POU6F2: variants seen among roughly 807,000 people sequenced by gnomAD.
POU6F2 encodes POU domain, class 6, transcription factor 2.
In POU6F2, 31 loss-of-function variants were observed where a neutral mutation model predicts 71.3. The ratio of observed to expected loss-of-function variants is 0.43; its 90% confidence interval spans 0.33 to 0.59. The LOEUF (loss-of-function observed/expected upper bound fraction) is 0.59, where lower values mean the gene tolerates loss of function less well. Among genes scored for constraint, POU6F2 ranks in the 20% least tolerant of loss-of-function variants. POU6F2 has a pLI of 0.04. For synonymous variants in POU6F2, 347 were observed against 355.7 expected, an observed-to-expected ratio of 0.98 and a Z score of 0.27; for missense variants, 783 against 856.8, an observed-to-expected ratio of 0.91 and a Z score of 1.07.
chr7:39,176,670 A>G (rs1793337317), intron 2 of POU6F2, among the ~76,000 whole-genome samples: 1 of 152,222 alleles, frequency 6.6e-6, no homozygotes, highest in Non-Finnish European at 1.5e-5. Flanking sequence ...ATGAGTATAG[A>G]ACCAAAGAAA....
At chr7:39,138,246 G>A (rs924937362) in intron 2 of POU6F2, among the ~76,000 whole-genome samples, 20 of 152,242 alleles carry the variant, frequency 1.3e-4, no homozygotes, top group South Asian at 2.1e-4. Flanking sequence ...ATTTGTAGGC[G>A]AAGTGCCTGG....
intron 4 of POU6F2, among the ~76,000 whole-genome samples, chr7:39,270,064 T>C (rs1784315390): frequency 6.6e-6 from 1 of 152,222 alleles, no homozygotes; most frequent in Non-Finnish European, 1.5e-5. Flanking sequence ...TTGAGGGTGT[T>C]TCCCTGTAGA....
intron 1 of POU6F2, among the ~76,000 whole-genome samples, chr7:39,039,511 T>G (rs1049074439): frequency 1.3e-5 from 2 of 151,902 alleles, no homozygotes; most frequent in Admixed American, 6.6e-5. Context: ...CTTTACTCTC[T>G]CACTATAGAC....
At chr7:39,063,280 A>G (rs1167711547) in intron 1 of POU6F2, among the ~76,000 whole-genome samples, 1 of 152,184 alleles carries the variant, frequency 6.6e-6, no homozygotes, top group African/African-American at 2.4e-5. Context: ...AGGCCAAGGC[A>G]GGAGGATTAC....
At chr7:39,092,077 G>A (rs1008216650) in intron 2 of POU6F2, among the ~76,000 whole-genome samples, 1 of 152,186 alleles carries the variant, frequency 6.6e-6, no homozygotes, top group African/African-American at 2.4e-5. Context: ...AGGCACATTT[G>A]CCCAAATATG....
chr7:39,017,686 T>A (rs1789589568), intron 1 of POU6F2, among the ~76,000 whole-genome samples: 1 of 152,130 alleles, frequency 6.6e-6, no homozygotes, highest in Non-Finnish European at 1.5e-5. Context: ...CTGCAGTTCC[T>A]CAAACATTCC....
intron 4 of POU6F2, among the ~76,000 whole-genome samples, chr7:39,236,372 A>G (rs189192423): frequency 7.1e-4 from 108 of 152,268 alleles, no homozygotes; most frequent in African/African-American, 2.4e-3. Flanking sequence ...CTTCCATGGC[A>G]TTGGTAATAA....
chr7:38,984,688 A>G (rs1788418366), intron 1 of POU6F2, among the ~76,000 whole-genome samples: 1 of 152,188 alleles, frequency 6.6e-6, no homozygotes, highest in African/African-American at 2.4e-5. Context: ...AGTTTTTACA[A>G]GAGGTTAGCC....
chr7:39,159,006 T>C (rs1358401708), intron 2 of POU6F2, among the ~76,000 whole-genome samples: 1 of 151,176 alleles, frequency 6.6e-6, no homozygotes, highest in Non-Finnish European at 1.5e-5. Flanking sequence ...ACCCCGTCTA[T>C]ACTAACAATT....
intron 2 of POU6F2, among the ~76,000 whole-genome samples, chr7:39,130,641 T>C (rs1562717200): frequency 6.7e-6 from 1 of 148,304 alleles, no homozygotes; most frequent in African/African-American, 2.5e-5. Context: ...TGAATCATAA[T>C]AGAGTTTATT....
intron 4 of POU6F2, among the ~76,000 whole-genome samples, chr7:39,210,496 A>G (rs1416830255): frequency 2.0e-5 from 3 of 152,190 alleles, no homozygotes; most frequent in Non-Finnish European, 2.9e-5. Context: ...TACTGAAGTG[A>G]TTGAGAGCGT....
intron 1 of POU6F2, among the ~76,000 whole-genome samples, chr7:38,997,440 G>T (rs999831702): frequency 6.6e-5 from 10 of 152,136 alleles, no homozygotes; most frequent in African/African-American, 2.2e-4. Context: ...TGAAGCAATA[G>T]CTCCTGCAGC....
At chr7:39,296,534 T>A (rs1190433505) in intron 4 of POU6F2, among the ~76,000 whole-genome samples, 1 of 152,146 alleles carries the variant, frequency 6.6e-6, no homozygotes, top group African/African-American at 2.4e-5. Context: ...GCTCTTGGGA[T>A]AAAAGCCAAA....
chr7:39,016,286 T>C lies in POU6F2; in HGVS notation c.105+38228T>C, dbSNP rs577416909. On this transcript the variant is annotated intron_variant, in intron 1 of 9. Coordinates refer to ENST00000518318, the MANE Select transcript of POU6F2 (RefSeq NM_001370959.1). ...AGTATATACTATATAATAACAACTA[T>C]TTATTGAATTTCCACTGTGAGCCAA... 2.0e-5 allele frequency among the ~76,000 whole-genome samples: 3 copies of C among 149,460 alleles called. No homozygotes were observed. The South Asian group carries it at 6.3e-4, about 31-fold the overall frequency.
intron 5 of POU6F2, among the ~76,000 whole-genome samples, chr7:39,357,949 A>G (rs761224275): frequency 6.6e-6 from 1 of 152,078 alleles, no homozygotes; most frequent in South Asian, 2.1e-4. Context: ...ACCTGCAGAG[A>G]TTTCTTCTCA....
intron 5 of POU6F2, among the ~76,000 whole-genome samples, chr7:39,363,207 T>C (rs928903148): frequency 6.6e-6 from 1 of 152,024 alleles, no homozygotes; most frequent in Non-Finnish European, 1.5e-5. Flanking sequence ...CTGAATATAT[T>C]TTAAGGAAGA....
chr7:39,214,253 C>T (rs1047360218), intron 4 of POU6F2, among the ~76,000 whole-genome samples: 2 of 152,160 alleles, frequency 1.3e-5, no homozygotes, highest in Non-Finnish European at 2.9e-5. Flanking sequence ...GTACTCCTAG[C>T]CCAGGGCCTT....
intron 2 of POU6F2, among the ~76,000 whole-genome samples, chr7:39,168,548 A>G (rs1280914030): frequency 6.6e-6 from 1 of 152,194 alleles, no homozygotes; most frequent in Non-Finnish European, 1.5e-5. Context: ...AGATTTGTTA[A>G]AATCATTGGT....
rs1018310388 is a variant in POU6F2, at chr7:39,250,322, TTG to T, written c.598+42710_598+42711del. ...GCCTTTGGTTTTCTCCAGGTTGTTT[TTG>T]TGTGTGTTCTGTTGGGGATGTCATT... is the stretch of plus-strand genomic sequence containing the variant. On this transcript the variant is annotated intron_variant, in intron 4 of 9. Coordinates refer to ENST00000518318, the MANE Select transcript of POU6F2 (RefSeq NM_001370959.1). 1.8e-4 allele frequency among the ~76,000 whole-genome samples: 28 copies of T among 152,290 alleles called. No individual in the cohort carries two copies. The South Asian group carries it at 4.6e-3, about 25-fold the overall frequency.
Sources: gnomAD v4.1 joint callset for allele counts (sites outside exome capture counted in the v4.1 genomes callset) on GRCh38, gnomAD v4.1.1 for gene constraint, MANE v1.5 for transcripts, NCBI Gene and HGNC (gene_info 2026-07-23, HGNC 2026-07-21) for gene names.